The following PHKA1 variants were observed in gnomAD, a reference collection of about 807,000 sequenced individuals.
The protein encoded by PHKA1 is phosphorylase b kinase regulatory subunit alpha, skeletal muscle isoform.
A neutral mutation model predicts 110.2 loss-of-function variants in PHKA1; 60 were observed. The ratio of observed to expected loss-of-function variants is 0.54; its 90% CI spans 0.44 to 0.68. PHKA1 has a LOEUF of 0.68. Ranked by LOEUF, PHKA1 falls within the 30% of genes least tolerant of loss-of-function variation. The pLI is 0.00. For synonymous variants in PHKA1, 316 were observed against 333.6 expected (o/e 0.95, Z 0.58); for missense variants, 801 against 942.5 (o/e 0.85, Z 1.97).
intron 6 of PHKA1, among the ~76,000 whole-genome samples, chrX:72,668,445 T>C (rs781836346): frequency 1.8e-5 from 2 of 112,457 alleles, no homozygotes; most frequent in Non-Finnish European, 1.9e-5. Flanking sequence ...CCTTCCTTAA[T>C]GCAAACAATG....
chrX:72,611,756 C>G (rs941015509), intron 21 of PHKA1, among the ~76,000 whole-genome samples: 1 of 112,083 alleles, frequency 8.9e-6, no homozygotes, highest in Non-Finnish European at 1.9e-5. Flanking sequence ...TTTAACCTAT[C>G]AGATTGTCAA....
chrX:72,620,406 T>A (rs782064065), intron 19 of PHKA1, among the ~76,000 whole-genome samples: 48 of 111,902 alleles, frequency 4.3e-4, no homozygotes, highest in African/African-American at 1.5e-3. Context: ...AGAAGTAATT[T>A]TCCCAAAGGA....
At position 72,714,181 on chromosome X, in the gene PHKA1, G is replaced by A. The variant is rs1010201352; in HGVS notation, c.-301C>T. On this transcript the variant is annotated 5_prime_UTR_variant, in exon 1 of 32. Coordinates refer to ENST00000373542, the MANE Select transcript of PHKA1 (RefSeq NM_002637.4). ...CCTTAGTCCAGTCCGGCCTCCGCGT[G>A]TGACTCCTGCATCCTCCCCTCAACC... The A allele has an allele frequency of 7.5e-5, 24 of 320,880 alleles. No individual in the cohort carries two copies. Among genetic ancestry groups the A allele is most frequent in the Non-Finnish European group, 1.2e-4 (22 of 178,808 alleles). 26.4% of individuals were successfully genotyped at this position (320,880 alleles called of 1,213,427 possible).
chrX:72,712,869 G>A lies in PHKA1; in HGVS notation c.147C>T (p.Tyr49=), dbSNP rs782062727. The part of the protein sequence containing the change: ...QKDAWVRDNV[Y]SILAVWGLGL... ...CCAAACCCCACACAGCCAAGATGCT[G>A]TACACATTATCTCGGACCCAAGCAT... Residue 49 remains tyrosine, a synonymous_variant, in exon 2 of 32, where the codon TAC becomes TAT. Coordinates refer to ENST00000373542, the MANE Select transcript of PHKA1 (RefSeq NM_002637.4). 8.3e-7 allele frequency: 1 copy of A among 1,210,557 alleles called. No homozygotes were observed. Among genetic ancestry groups the A allele is most frequent in the East Asian group, 3.0e-5 (1 of 33,834 alleles).
At position 72,607,653 on chromosome X, in the gene PHKA1, T is replaced by C. The variant is rs374320515; in HGVS notation, c.2606+1971A>G. ...CCTTATCAGATAGGTAGTTGGTAAATATTTTCTCCCATTGCACCTTTCCAA... is the reference window on the plus strand; with the variant it reads ...CCTTATCAGATAGGTAGTTGGTAAACATTTTCTCCCATTGCACCTTTCCAA... On this transcript the variant is annotated intron_variant, in intron 23 of 31. Coordinates refer to ENST00000373542, the MANE Select transcript of PHKA1 (RefSeq NM_002637.4). Among the ~76,000 whole-genome samples, 22 of 111,863 alleles carry C rather than the reference T, an allele frequency of 2.0e-4. No homozygotes were observed. The East Asian group carries it at 2.0e-3, about 10-fold the overall frequency.
rs1556274177 is a variant in PHKA1, at chrX:72,619,317, T to C, written c.2138-12A>G. ...ATACATGTGAACATCTGCAAAAATA[T>C]GACATTTATGGGAAATATTAGGTAA... is the stretch of plus-strand genomic sequence containing the variant. On this transcript the variant is annotated splice_polypyrimidine_tract_variant and intron_variant, in intron 19 of 31. Coordinates refer to ENST00000373542, the MANE Select transcript of PHKA1 (RefSeq NM_002637.4). 3.8e-6 allele frequency: 4 copies of C among 1,047,236 alleles called. No individual in the cohort carries two copies. The highest frequency in any genetic ancestry group is 2.7e-6 in the Non-Finnish European group (2 of 747,612). The allele number at this position is 1,047,236 out of a possible 1,213,427, so 86.3% of individuals were successfully genotyped here.
chrX:72,710,843 T>A (rs1439411951), intron 2 of PHKA1, among the ~76,000 whole-genome samples: 6 of 106,846 alleles, frequency 5.6e-5, no homozygotes, highest in South Asian at 4.0e-4. Flanking sequence ...TTTTTTTATT[T>A]TTTTTTTTAT....
At chrX:72,625,431 G>A (rs1019771296) in intron 17 of PHKA1, among the ~76,000 whole-genome samples, 2 of 111,556 alleles carry the variant, frequency 1.8e-5, no homozygotes, top group South Asian at 7.6e-4. Context: ...TTGCTGCAAA[G>A]GACATGATTT....
intron 29 of PHKA1, among the ~76,000 whole-genome samples, chrX:72,586,838 G>T (rs923671602): frequency 9.1e-6 from 1 of 109,958 alleles, no homozygotes; most frequent in Admixed American, 9.8e-5. Flanking sequence ...ATCAGTGACT[G>T]AAGACTGAAT....
At chrX:72,645,241 T>G (rs2060538921) in intron 13 of PHKA1, among the ~76,000 whole-genome samples, 1 of 112,441 alleles carries the variant, frequency 8.9e-6, no homozygotes, top group East Asian at 2.8e-4. Context: ...CAATTGAGGC[T>G]TTAGCTGTCT....
intron 14 of PHKA1, among the ~76,000 whole-genome samples, chrX:72,641,210 T>A: frequency 8.9e-6 from 1 of 111,892 alleles, no homozygotes; most frequent in Non-Finnish European, 1.9e-5. Context: ...AATTAGTTCG[T>A]CTTTGTAAAT....
intron 3 of PHKA1, among the ~76,000 whole-genome samples, chrX:72,698,811 A>G (rs1481625998): frequency 8.9e-6 from 1 of 112,520 alleles, no homozygotes; most frequent in Non-Finnish European, 1.9e-5. Context: ...GCCTATGCCC[A>G]GGAGTGAACA....
chrX:72,635,243 C>G lies in PHKA1; in HGVS notation c.1626G>C (p.Met542Ile). 2.5e-6 allele frequency: 3 copies of G among 1,210,786 alleles called. No individual in the cohort carries two copies. The highest frequency in any genetic ancestry group is 3.4e-6 in the Non-Finnish European group (3 of 894,588). ...LALDNKMIVEMLRTDLSYLCS... is the reference protein window; with the variant it reads ...LALDNKMIVEILRTDLSYLCS... ...AGAGGTAGGAGAGGTCTGTTCTAAGCATTTCCACTATCATCTTGTTGTCCA... is the reference window on the plus strand; with the variant it reads ...AGAGGTAGGAGAGGTCTGTTCTAAGGATTTCCACTATCATCTTGTTGTCCA... Residue 542 changes from methionine (M) to isoleucine (I), a missense_variant, in exon 16 of 32, where the codon ATG becomes ATC. This residue lies in a region of PHKA1 where 299 missense variants were observed against 423.3 expected (regional missense o/e 0.71). Transcript: ENST00000373542.
chrX:72,606,353 T>C (rs1176466883), intron 23 of PHKA1, among the ~76,000 whole-genome samples: 1 of 100,456 alleles, frequency 1.0e-5, no homozygotes, highest in Non-Finnish European at 2.0e-5. Context: ...TTCACACACA[T>C]GCACACACAC....
At position 72,605,399 on chromosome X, in the gene PHKA1, T is replaced by C. The variant is rs1439917284; in HGVS notation, c.2687A>G (p.Glu896Gly). 2.5e-6 allele frequency: 3 copies of C among 1,209,034 alleles called. No individual in the cohort carries two copies. The highest frequency in any genetic ancestry group is 2.2e-6 in the Non-Finnish European group (2 of 892,992). Residue 896 changes from glutamate to glycine, a missense_variant and splice_region_variant, in exon 25 of 32, where the codon GAA becomes GGA. Physicochemically the swap from Glu to Gly is moderately conservative, Grantham distance 98 (BLOSUM62 -2). This residue lies in a region of PHKA1 where 502 missense variants were observed against 519.2 expected (regional missense o/e 0.97). Coordinates refer to ENST00000373542, the MANE Select transcript of PHKA1 (RefSeq NM_002637.4). ...ATACATGGCTAGATATACCATTATT[T>C]CCTGCACACAGAGTAGATATAGACA... The part of the protein sequence containing the change: ...GDMSISILTQ[E>G]IMVYLAMYMR...
At chrX:72,670,551 T>C (rs782446048) in intron 6 of PHKA1, among the ~76,000 whole-genome samples, 4 of 111,558 alleles carry the variant, frequency 3.6e-5, no homozygotes, top group Admixed American at 2.9e-4. Context: ...TTCCAACCAA[T>C]AGAAAAAGAG....
rs782166425 is a variant in PHKA1 at position 72,692,933 on chromosome X, TTTTC to T, written c.454+2771_454+2774del. On this transcript the variant is annotated intron_variant, in intron 4 of 31. Transcript: ENST00000373542. ...TAAGGTGGGAGGTTAGGTTACTGAT[TTTTC>T]TTTCTTTTTTTTTTTTTTACATTGG... Among the ~76,000 whole-genome samples the T allele has an allele frequency of 4.0e-3, 430 of 106,439 alleles. 1 individual carries two copies. Among genetic ancestry groups the T allele is most frequent in the African/African-American group, 6.4e-3 (188 of 29,549 alleles). 92.4% of individuals were successfully genotyped at this position (106,439 alleles called of 115,157 possible). A position where few individuals can be genotyped will look rare whatever the true frequency, so the allele number is the denominator to read the frequency against.
At chrX:72,601,443 A>T (rs1569426689) in intron 28 of PHKA1, among the ~76,000 whole-genome samples, 1 of 111,250 alleles carries the variant, frequency 9.0e-6, no homozygotes, top group Non-Finnish European at 1.9e-5. Flanking sequence ...AGAGGTAGGG[A>T]GGATTCTGGC....
intron 16 of PHKA1, among the ~76,000 whole-genome samples, chrX:72,630,228 G>T (rs2053143892): frequency 9.8e-6 from 1 of 101,969 alleles, no homozygotes; most frequent in Non-Finnish European, 2.0e-5. Context: ...CTCCAGGCTG[G>T]GTGACAGAGA....
Sources: allele counts gnomAD v4.1 joint callset (sites outside exome capture counted in the v4.1 genomes callset), GRCh38; gene constraint gnomAD v4.1.1; regional missense constraint gnomAD v4.1.1; transcripts MANE v1.5; gene names NCBI Gene and HGNC (gene_info 2026-07-23, HGNC 2026-07-21).